The following SPAG6 variants were observed in gnomAD, a reference collection of about 807,000 sequenced individuals.
The protein encoded by SPAG6 is sperm associated antigen 6.
In SPAG6, 49 loss-of-function variants were observed where a neutral mutation model predicts 58.5. The ratio of observed to expected loss-of-function variants is 0.84; its 90% confidence interval spans 0.67 to 1.06. The LOEUF (loss-of-function observed/expected upper bound fraction) is 1.06. Among genes scored for constraint, SPAG6 ranks in the 50% least tolerant of loss-of-function variants. The probability of loss-of-function intolerance (pLI) is 0.00; values close to 1 mark genes in which losing one functional copy is unlikely to be tolerated. For synonymous variants in SPAG6, 233 were observed against 225.6 expected, an observed-to-expected ratio of 1.03 and a Z score of -0.29; for missense variants, 560 against 611.3, an observed-to-expected ratio of 0.92 and a Z score of 0.89.
chr10:22,366,072 C>A (rs1837191055), intron 3 of SPAG6, among the ~76,000 whole-genome samples: 2 of 152,076 alleles, frequency 1.3e-5, no homozygotes, highest in African/African-American at 4.8e-5. Context: ...AGCTATATAT[C>A]CAAAAGAATT....
intron 8 of SPAG6, among the ~76,000 whole-genome samples, chr10:22,397,339 A>G (rs139794594): frequency 0.012 from 1,851 of 152,286 alleles, 25 homozygotes; most frequent in African/African-American, 0.041. Context: ...TCTGTTGCCC[A>G]GGCTGGGCTG....
chr10:22,382,562 A>G (rs1380033155), intron 4 of SPAG6, among the ~76,000 whole-genome samples: 1 of 152,166 alleles, frequency 6.6e-6, no homozygotes, highest in Admixed American at 6.5e-5. Context: ...AATTCTTTGA[A>G]GAAGAATGAT....
chr10:22,392,924 T>C (rs936116239), intron 8 of SPAG6, among the ~76,000 whole-genome samples: 3 of 152,138 alleles, frequency 2.0e-5, no homozygotes, highest in Non-Finnish European at 4.4e-5. Context: ...TTCTAAGATT[T>C]AACTTTTTTT....
chr10:22,413,066 C>CAAAAAAAAAAAAAAAAAAAAA (rs775680159), intron 10 of SPAG6: 2 of 43,314 alleles, frequency 4.6e-5, no homozygotes, highest in Non-Finnish European at 4.6e-5. Context: ...CAGAAAGATG[C>CAAAAAAAAAAAAAAAAAAAAA]AAAAAAAAAA....
intron 10 of SPAG6, among the ~76,000 whole-genome samples, chr10:22,411,963 G>A (rs1433574082): frequency 1.4e-5 from 2 of 147,916 alleles, no homozygotes; most frequent in African/African-American, 2.5e-5. Flanking sequence ...GTTCTCCTGC[G>A]TCGGCCTCCC....
At chr10:22,360,471 A>G (rs974897137) in intron 2 of SPAG6, among the ~76,000 whole-genome samples, 4 of 151,986 alleles carry the variant, frequency 2.6e-5, no homozygotes, top group African/African-American at 9.7e-5. Context: ...GTCACAAAAA[A>G]AAAAAAAAAA....
At chr10:22,360,885 T>C (rs905817346) in intron 2 of SPAG6, 2 of 1,340,494 alleles carry the variant, frequency 1.5e-6, no homozygotes, top group South Asian at 1.3e-5. Context: ...AAATTTCTTT[T>C]TATTTCCTTC....
chr10:22,365,733 C>T (rs1216273719), intron 3 of SPAG6, among the ~76,000 whole-genome samples: 1 of 151,908 alleles, frequency 6.6e-6, no homozygotes, highest in Non-Finnish European at 1.5e-5. Flanking sequence ...AAAAGACAAG[C>T]CAATTGAAAA....
At chr10:22,346,373 G>A (rs554304554) in intron 2 of SPAG6, among the ~76,000 whole-genome samples, 2 of 152,080 alleles carry the variant, frequency 1.3e-5, no homozygotes, top group African/African-American at 4.8e-5. Flanking sequence ...GGAGAGAGGG[G>A]GAGAGGGAGG....
intron 9 of SPAG6, among the ~76,000 whole-genome samples, chr10:22,405,837 G>A (rs1348873515): frequency 6.6e-6 from 1 of 152,216 alleles, no homozygotes; most frequent in African/African-American, 2.4e-5. Context: ...ACTATTCAGA[G>A]ATTCAACTTC....
At chr10:22,389,372 A>G in intron 7 of SPAG6, 60 bp downstream of exon 7, 1 of 1,526,312 alleles carries the variant, frequency 6.6e-7, no homozygotes, top group East Asian at 2.3e-5. Flanking sequence ...AGAACCACAG[A>G]TTAATGTTCT....
In SPAG6 at chr10:22,386,025, G is replaced by A. The variant is rs539615625; in HGVS notation, c.473-729G>A. The stretch of plus-strand genomic sequence containing the variant: ...TCTCCCATTATCTGTAATTTAAAGT[G>A]TGCTATTTTTGTAGCTGTTATTCTT... On this transcript the variant is annotated intron_variant, in intron 4 of 10. Coordinates refer to ENST00000376624, the MANE Select transcript of SPAG6 (RefSeq NM_012443.4). 9.2e-5 allele frequency among the ~76,000 whole-genome samples: 14 copies of A among 152,218 alleles called. No homozygotes were observed. The East Asian group carries it at 2.7e-3, about 29-fold the overall frequency.
chr10:22,374,768 C>A (rs1833779528), intron 4 of SPAG6, among the ~76,000 whole-genome samples: 1 of 151,210 alleles, frequency 6.6e-6, no homozygotes, highest in South Asian at 2.1e-4. Context: ...AGAGTGAGAC[C>A]CTGTCTCAAA....
At chr10:22,360,680 G>T in intron 2 of SPAG6, 1 of 489,246 alleles carries the variant, frequency 2.0e-6, no homozygotes, top group Non-Finnish European at 3.4e-6. Flanking sequence ...GTTATTTTTA[G>T]TATTGGATAT....
chr10:22,387,578 A>C (rs917439349), intron 5 of SPAG6, among the ~76,000 whole-genome samples: 1 of 152,178 alleles, frequency 6.6e-6, no homozygotes, highest in Non-Finnish European at 1.5e-5. Context: ...TTATTTAATC[A>C]TCTGTAATAG....
chr10:22,353,406 T>C (rs930036552), intron 2 of SPAG6, among the ~76,000 whole-genome samples: 10 of 152,270 alleles, frequency 6.6e-5, no homozygotes, highest in Non-Finnish European at 1.3e-4. Context: ...TTTGTCTATA[T>C]GGTGTGGGGT....
chr10:22,386,711 T>C, intron 4 of SPAG6, 43 bp from the exon 5 acceptor site: 3 of 1,507,404 alleles, frequency 2.0e-6, no homozygotes, highest in Middle Eastern at 1.7e-4. Flanking sequence ...TGCACAAGGG[T>C]CAGTCACCCA....
chr10:22,406,835 T>C (rs1212061201), intron 9 of SPAG6, among the ~76,000 whole-genome samples: 2 of 151,996 alleles, frequency 1.3e-5, no homozygotes, highest in Non-Finnish European at 2.9e-5. Flanking sequence ...ATTGGGTGCA[T>C]ATATATTTAG....
chr10:22,371,958 T>C (rs1203590661), intron 4 of SPAG6, among the ~76,000 whole-genome samples: 2 of 152,170 alleles, frequency 1.3e-5, no homozygotes, highest in Non-Finnish European at 2.9e-5. Flanking sequence ...AGTTTTATGA[T>C]TGAATCACCA....
Sources: allele counts gnomAD v4.1 joint callset (sites outside exome capture counted in the v4.1 genomes callset), GRCh38; gene constraint gnomAD v4.1.1; transcripts MANE v1.5; gene names NCBI Gene and HGNC (gene_info 2026-07-23, HGNC 2026-07-21).